The following NFATC3 variants were observed in gnomAD, a reference collection of about 807,000 sequenced individuals.
NFATC3 encodes the protein nuclear factor of activated T-cells, cytoplasmic 3.
Under a neutral mutation model 98.6 loss-of-function variants are expected in NFATC3, and 46 were observed. That is an observed-to-expected ratio of 0.47 (90% confidence interval 0.37 to 0.60). The LOEUF (loss-of-function observed/expected upper bound fraction) is 0.60, where lower values mean the gene tolerates loss of function less well. Among genes scored for constraint, NFATC3 ranks in the 20% least tolerant of loss-of-function variants. The pLI is 0.00. For missense variants in NFATC3, 1,256 were observed against 1,295.5 expected, an observed-to-expected ratio of 0.97 and a Z score of 0.47; for synonymous variants, 512 against 472.2, an observed-to-expected ratio of 1.08 and a Z score of -1.09.
At chr16:68,209,099 G>A (rs902426740) in intron 9 of NFATC3, among the ~76,000 whole-genome samples, 1 of 152,166 alleles carries the variant, frequency 6.6e-6, no homozygotes, top group East Asian at 1.9e-4. Context: ...TTTGTTCTTT[G>A]TTGATAATGA....
chr16:68,153,004 A>G (rs868011142), intron 3 of NFATC3, among the ~76,000 whole-genome samples: 7 of 152,356 alleles, frequency 4.6e-5, no homozygotes, highest in African/African-American at 1.7e-4. Context: ...CTTTAAAAAA[A>G]TAATAATCAG....
Position 68,157,948 on chromosome 16 carries a change from C to T in NFATC3, c.1481C>T (p.Ala494Val). 1 of 1,613,888 alleles carries T rather than the reference C, an allele frequency of 6.2e-7. No homozygotes were observed. Among genetic ancestry groups the T allele is most frequent in the Non-Finnish European group, 8.5e-7 (1 of 1,179,922 alleles). ...TADDRYLRPH[A>V]FYQVHRITGK... ...GATGATCGATATTTACGACCTCATG[C>T]ATTTTACCAGGTGCATCGAATCACT... Residue 494 changes from alanine (A) to valine (V), a missense_variant, in exon 4 of 10, where the codon GCA becomes GTA. Ala to Val is a moderately conservative substitution (Grantham distance 64). Around this residue, in one of 3 missense-constraint regions of NFATC3, gnomAD observed 156 missense variants for 212.4 expected, o/e 0.73. Coordinates refer to ENST00000346183, the MANE Select transcript of NFATC3 (RefSeq NM_173165.3).
chr16:68,217,669 G>A, intron 9 of NFATC3: 1 of 1,231,408 alleles, frequency 8.1e-7, no homozygotes, highest in Non-Finnish European at 1.0e-6. Flanking sequence ...ATAATTCAGA[G>A]ATCAAGATTC....
At chr16:68,211,549 GTC>G (rs1246949027) in intron 9 of NFATC3, among the ~76,000 whole-genome samples, 1 of 148,662 alleles carries the variant, frequency 6.7e-6, no homozygotes. Flanking sequence ...TTGAGTCGGA[GTC>G]TCACCCTGTT....
chr16:68,135,457 CAAAAAAA>C (rs60331468), intron 3 of NFATC3, among the ~76,000 whole-genome samples: 12 of 78,722 alleles, frequency 1.5e-4, no homozygotes, highest in East Asian at 4.6e-4. Flanking sequence ...GACTCCGTCT[CAAAAAAA>C]AAAAAAAAAA....
chr16:68,100,539 A>G (rs1271943622), intron 1 of NFATC3, among the ~76,000 whole-genome samples: 1 of 151,680 alleles, frequency 6.6e-6, no homozygotes, highest in Non-Finnish European at 1.5e-5. Flanking sequence ...GTGCCGCTGT[A>G]CTCCAGCCTG....
intron 1 of NFATC3, among the ~76,000 whole-genome samples, chr16:68,099,916 C>G (rs531885590): frequency 1.3e-5 from 2 of 152,238 alleles, no homozygotes; most frequent in South Asian, 4.1e-4. Context: ...TCAAGCTCTC[C>G]TCCCACCTCA....
chr16:68,149,986 T>C (rs1418921956), intron 3 of NFATC3, among the ~76,000 whole-genome samples: 1 of 152,236 alleles, frequency 6.6e-6, no homozygotes, highest in Non-Finnish European at 1.5e-5. Flanking sequence ...TTAGCTGTTT[T>C]TCCCTGCTTT....
In NFATC3 at chr16:68,190,274, A is replaced by T. The variant is rs7194160; in HGVS notation, c.2099-494A>T. ...AAAGCAGAAGTTCTATGAATGTCAGAGTCATGATTTCTGGTATATGATGCA... is the reference window on the plus strand; with the variant it reads ...AAAGCAGAAGTTCTATGAATGTCAGTGTCATGATTTCTGGTATATGATGCA... On this transcript the variant is annotated intron_variant, in intron 8 of 9. Coordinates refer to ENST00000346183, the MANE Select transcript of NFATC3 (RefSeq NM_173165.3). Among the ~76,000 whole-genome samples, 699 of 152,266 alleles carry T rather than the reference A, an allele frequency of 4.6e-3. 7 individuals are homozygous for T. The highest frequency in any genetic ancestry group is 0.016 in the African/African-American group (684 of 41,556).
At chr16:68,197,560 G>A (rs899757044) in intron 9 of NFATC3, among the ~76,000 whole-genome samples, 5 of 152,194 alleles carry the variant, frequency 3.3e-5, no homozygotes, top group African/African-American at 4.8e-5. Context: ...TGAGGCTAGC[G>A]TGGACAACAT....
chr16:68,196,929 C>CTACT (rs1398392997), intron 9 of NFATC3, among the ~76,000 whole-genome samples: 1 of 151,872 alleles, frequency 6.6e-6, no homozygotes, highest in Non-Finnish European at 1.5e-5. Flanking sequence ...ACTTGGGAGG[C>CTACT]TGAGGCAGGA....
At position 68,215,829 on chromosome 16, in the gene NFATC3, G is replaced by A. The variant is rs529851438; in HGVS notation, c.3107-10521G>A. On this transcript the variant is annotated intron_variant, in intron 9 of 9. Transcript: ENST00000346183. ...TGCACGCTCCGCCTCCCAGGTTGAC[G>A]CCATTCTCCTGCCTTAGCCTCCCGA... Among the ~76,000 whole-genome samples the A allele has an allele frequency of 6.7e-5, 10 of 148,416 alleles. No homozygotes were observed. In the South Asian group the frequency reaches 1.7e-3, roughly 25 times the overall value.
At chr16:68,218,708 G>A (rs1386469050) in intron 9 of NFATC3, among the ~76,000 whole-genome samples, 1 of 150,822 alleles carries the variant, frequency 6.6e-6, no homozygotes, top group Admixed American at 6.6e-5. Flanking sequence ...GAGTAGCTGG[G>A]ACTACAGGTG....
At chr16:68,099,976 A>G (rs757243082) in intron 1 of NFATC3, among the ~76,000 whole-genome samples, 13 of 152,078 alleles carry the variant, frequency 8.5e-5, no homozygotes, top group South Asian at 2.1e-4. Flanking sequence ...GCCAGGCCCT[A>G]TGTGACCATT....
intron 9 of NFATC3, among the ~76,000 whole-genome samples, chr16:68,192,926 T>C (rs1482223778): frequency 6.6e-6 from 1 of 152,142 alleles, no homozygotes; most frequent in African/African-American, 2.4e-5. Context: ...CAGCAAGTCT[T>C]CTGTGAGTAG....
At chr16:68,201,426 G>T (rs1042094659) in intron 9 of NFATC3, among the ~76,000 whole-genome samples, 14 of 150,370 alleles carry the variant, frequency 9.3e-5, no homozygotes, top group Admixed American at 8.0e-4. Context: ...GTTTGTTTTT[G>T]TTTTTTTTAT....
rs138904681 is a variant in NFATC3, at chr16:68,215,989, A to G, written c.3107-10361A>G. Among the ~76,000 whole-genome samples the G allele has an allele frequency of 6.6e-3, 1,012 of 152,222 alleles. 17 individuals carry two copies. The highest frequency in any genetic ancestry group is 0.024 in the African/African-American group (980 of 41,540). ...GTGATCCGCCCACCTTGGCCTCCCA[A>G]AGTGCTGGGATGACAGGCATGAGCC... On this transcript the variant is annotated intron_variant, in intron 9 of 9. Transcript: ENST00000346183.
intron 3 of NFATC3, among the ~76,000 whole-genome samples, chr16:68,144,018 A>G (rs1394734917): frequency 6.6e-6 from 1 of 152,194 alleles, no homozygotes; most frequent in Non-Finnish European, 1.5e-5. Flanking sequence ...ATCAAAATTA[A>G]AAACTTTAGC....
intron 9 of NFATC3, among the ~76,000 whole-genome samples, chr16:68,205,904 C>CT (rs11409484): frequency 0.041 from 5,953 of 145,454 alleles, 369 homozygotes; most frequent in African/African-American, 0.13. Context: ...ATCTTTTTTT[C>CT]TTTTTTTTTT....
Sources: allele counts gnomAD v4.1 joint callset (sites outside exome capture counted in the v4.1 genomes callset), GRCh38; gene constraint gnomAD v4.1.1; regional missense constraint gnomAD v4.1.1; transcripts MANE v1.5; gene names NCBI Gene and HGNC (gene_info 2026-07-23, HGNC 2026-07-21).